The following CABIN1 variants were observed in gnomAD, a reference collection of about 807,000 sequenced individuals.
CABIN1 encodes the protein calcineurin-binding protein cabin-1.
A neutral mutation model predicts 227.7 loss-of-function variants in CABIN1; 133 were observed. That is an observed-to-expected ratio of 0.58 (90% CI 0.51 to 0.67). The LOEUF (loss-of-function observed/expected upper bound fraction) is 0.67. Ranked by LOEUF, CABIN1 falls within the 30% of genes least tolerant of loss-of-function variation. The probability of loss-of-function intolerance (pLI) is 0.00; values close to 1 mark genes in which losing one functional copy is unlikely to be tolerated. For missense variants in CABIN1, 2,408 were observed against 2,852.5 expected (o/e 0.84, Z 3.55); for synonymous variants, 1,086 against 1,155.1 (o/e 0.94, Z 1.21).
chr22:24,017,250 G>GA (rs2035370805), intron 1 of CABIN1, among the ~76,000 whole-genome samples: 1 of 151,738 alleles, frequency 6.6e-6, no homozygotes, highest in Admixed American at 6.6e-5. Flanking sequence ...TGTTAGCCAG[G>GA]ATGGTCTCCA....
At chr22:24,141,381 C>G (rs1243268164) in intron 29 of CABIN1, among the ~76,000 whole-genome samples, 2 of 152,244 alleles carry the variant, frequency 1.3e-5, no homozygotes, top group Non-Finnish European at 2.9e-5. Flanking sequence ...TGGTCTACCT[C>G]CCCTCTTCCT....
At chr22:24,035,421 A>T in intron 1 of CABIN1, 23 bp from the exon 2 acceptor site, 1 of 1,519,570 alleles carries the variant, frequency 6.6e-7, no homozygotes, top group Non-Finnish European at 9.1e-7. Flanking sequence ...GCCTTGTCTC[A>T]GTTTGTCCTA....
intron 16 of CABIN1, among the ~76,000 whole-genome samples, chr22:24,070,454 G>A (rs550261849): frequency 1.3e-5 from 2 of 152,260 alleles, no homozygotes; most frequent in Non-Finnish European, 2.9e-5. Flanking sequence ...TGGGCACAGT[G>A]GCTCTGGGGA....
At position 24,135,598 on chromosome 22, in the gene CABIN1, G is replaced by T. The variant is rs931972650; in HGVS notation, c.4746+1183G>T. On this transcript the variant is annotated intron_variant, in intron 29 of 36. Transcript: ENST00000263119. Reference sequence around the variant, plus strand: ...CCTCTGTCCTGCATGGAGACAGCTGGCCCCTCACTCCCCTCTACCTCCAAG... The same window carrying T: ...CCTCTGTCCTGCATGGAGACAGCTGTCCCCTCACTCCCCTCTACCTCCAAG... Among the ~76,000 whole-genome samples, 196 of 152,072 alleles carry T rather than the reference G, an allele frequency of 1.3e-3. 4 individuals carry two copies. Among genetic ancestry groups the T allele is most frequent in the Non-Finnish European group, 4.1e-4 (28 of 68,014 alleles).
At chr22:24,074,865 G>A (rs1347230693) in intron 18 of CABIN1, among the ~76,000 whole-genome samples, 1 of 152,174 alleles carries the variant, frequency 6.6e-6, no homozygotes, top group Non-Finnish European at 1.5e-5. Flanking sequence ...GGAGCAGAAT[G>A]AATATGACAA....
At chr22:24,080,852 TAGAC>T (rs2146982183) in intron 19 of CABIN1, among the ~76,000 whole-genome samples, 1 of 152,320 alleles carries the variant, frequency 6.6e-6, no homozygotes, top group East Asian at 1.9e-4. Flanking sequence ...ATTTTCTATG[TAGAC>T]AGTCATATCA....
intron 10 of CABIN1, among the ~76,000 whole-genome samples, chr22:24,056,722 C>T (rs1569138787): frequency 6.6e-6 from 1 of 152,196 alleles, no homozygotes; most frequent in Non-Finnish European, 1.5e-5. Flanking sequence ...GAGCTTCCCT[C>T]CTGCTTTCAG....
intron 29 of CABIN1, among the ~76,000 whole-genome samples, chr22:24,138,549 G>A (rs1602298058): frequency 1.3e-5 from 2 of 152,176 alleles, no homozygotes; most frequent in East Asian, 3.9e-4. Flanking sequence ...TCAAGTTGAT[G>A]TTCCTACAAC....
intron 8 of CABIN1, among the ~76,000 whole-genome samples, chr22:24,053,238 C>T (rs373625904): frequency 1.2e-4 from 18 of 151,620 alleles, no homozygotes; most frequent in South Asian, 6.3e-4. Context: ...CCACCACGCC[C>T]GGCTAATTTT....
Position 24,075,400 on chromosome 22 carries a change from T to C in CABIN1, c.2633-769T>C, listed in dbSNP as rs547021668. Among the ~76,000 whole-genome samples, 5 of 152,298 alleles carry C rather than the reference T, an allele frequency of 3.3e-5. No individual in the cohort carries two copies. The South Asian group carries it at 1.0e-3, about 32-fold the overall frequency. ...TGGTAAACAAATGTGTAACTGGAAT[T>C]CAGTAGTTCTTTTTCCTCCTGTTTT... is the stretch of plus-strand genomic sequence containing the variant. On this transcript the variant is annotated intron_variant, in intron 18 of 36. Transcript: ENST00000263119.
At chr22:24,020,520 C>T (rs1200857711) in intron 1 of CABIN1, among the ~76,000 whole-genome samples, 1 of 151,888 alleles carries the variant, frequency 6.6e-6, no homozygotes, top group African/African-American at 2.4e-5. Flanking sequence ...GATGAGGTCT[C>T]CCTATGTTGC....
chr22:24,135,447 G>A (rs2044338276), intron 29 of CABIN1, among the ~76,000 whole-genome samples: 1 of 152,052 alleles, frequency 6.6e-6, no homozygotes, highest in Non-Finnish European at 1.5e-5. Flanking sequence ...CCCTGATATT[G>A]CGTGTCAGGT....
intron 17 of CABIN1, among the ~76,000 whole-genome samples, chr22:24,071,861 T>C (rs1164877804): frequency 1.3e-5 from 2 of 152,190 alleles, no homozygotes; most frequent in African/African-American, 4.8e-5. Flanking sequence ...CCTGCCTGCA[T>C]GCCTGTCCTC....
At chr22:24,023,680 C>T (rs9624387) in intron 1 of CABIN1, among the ~76,000 whole-genome samples, 9,684 of 151,750 alleles carry the variant, frequency 0.064, 332 homozygotes, top group East Asian at 0.15. Context: ...ATCTTATGCA[C>T]TTACAGGTGT....
intron 33 of CABIN1, among the ~76,000 whole-genome samples, chr22:24,169,672 G>A (rs1339965643): frequency 6.6e-6 from 1 of 152,212 alleles, no homozygotes; most frequent in Non-Finnish European, 1.5e-5. Context: ...CCAGGCCCAG[G>A]TCCACCAGGG....
At chr22:24,111,890 A>T (rs569306905) in intron 26 of CABIN1, among the ~76,000 whole-genome samples, 2 of 152,164 alleles carry the variant, frequency 1.3e-5, no homozygotes, top group Non-Finnish European at 2.9e-5. Flanking sequence ...TGGGAAAGGC[A>T]TTCGTCATCT....
chr22:24,044,461 C>A (rs936093375), intron 6 of CABIN1, among the ~76,000 whole-genome samples: 2 of 152,296 alleles, frequency 1.3e-5, no homozygotes, highest in East Asian at 3.9e-4. Context: ...GTTGGTCAGT[C>A]ACACTCATAG....
In CABIN1 at chr22:24,083,166, C is replaced by T. The variant is rs936977677; in HGVS notation, c.2749-62C>T. 25 of 1,542,810 alleles carry T rather than the reference C, an allele frequency of 1.6e-5. 1 individual carries two copies. Among genetic ancestry groups the T allele is most frequent in the South Asian group, 1.0e-4 (9 of 89,430 alleles). Reference sequence around the variant, plus strand: ...GAGTGGTGGTTTCTCTGGGGCCCTGCTGTGACAGGGAGGCAGTGGCTACAG... The same window carrying T: ...GAGTGGTGGTTTCTCTGGGGCCCTGTTGTGACAGGGAGGCAGTGGCTACAG... On this transcript the variant is annotated intron_variant, in intron 19 of 36. Coordinates refer to ENST00000263119, the MANE Select transcript of CABIN1 (RefSeq NM_012295.4).
chr22:24,094,823 CAAAAAAAA>C (rs201624847), intron 24 of CABIN1, among the ~76,000 whole-genome samples: 12 of 78,378 alleles, frequency 1.5e-4, no homozygotes, highest in Non-Finnish European at 2.7e-4. Flanking sequence ...GACTCCGTCT[CAAAAAAAA>C]AAAAAAAAAA....
Sources: gnomAD v4.1 joint callset for allele counts (sites outside exome capture counted in the v4.1 genomes callset) on GRCh38, gnomAD v4.1.1 for gene constraint, MANE v1.5 for transcripts, NCBI Gene and HGNC (gene_info 2026-07-23, HGNC 2026-07-21) for gene names.